CAMTA1: variants seen among roughly 807,000 people sequenced by gnomAD.
The protein encoded by CAMTA1 is calmodulin-binding transcription activator 1.
CAMTA1 carries 27 observed loss-of-function variants against 170.9 expected under a neutral mutation model. The ratio of observed to expected loss-of-function variants is 0.16; its 90% CI spans 0.12 to 0.22. The LOEUF (loss-of-function observed/expected upper bound fraction) is 0.22, where lower values mean the gene tolerates loss of function less well. Among genes scored for constraint, CAMTA1 ranks in the 10% least tolerant of loss-of-function variants. The pLI is 1.00. For synonymous variants in CAMTA1, 833 were observed against 891.5 expected (o/e 0.93, Z 1.17); for missense variants, 1,619 against 2,217.2 (o/e 0.73, Z 5.42).
At chr1:7,454,732 C>T (rs1162654210) in intron 5 of CAMTA1, among the ~76,000 whole-genome samples, 2 of 152,000 alleles carry the variant, frequency 1.3e-5, no homozygotes, top group Admixed American at 1.3e-4. Flanking sequence ...CAGTGCTGGG[C>T]GGGAGGCCTC....
intron 3 of CAMTA1, among the ~76,000 whole-genome samples, chr1:6,923,553 G>A (rs1682465143): frequency 6.6e-6 from 1 of 152,194 alleles, no homozygotes; most frequent in African/African-American, 2.4e-5. Context: ...CTTCCAGGGA[G>A]GCCTGGCTTA....
At position 7,698,074 on chromosome 1, in the gene CAMTA1, ACCCC is replaced by A. The variant is rs55893283; in HGVS notation, c.2914+20352_2914+20355del. Among the ~76,000 whole-genome samples the A allele has an allele frequency of 1.3e-4, 13 of 98,632 alleles. 1 individual carries two copies. Among genetic ancestry groups the A allele is most frequent in the East Asian group, 5.3e-4 (2 of 3,766 alleles). The allele number at this position is 98,632 out of a possible 152,430, so 64.7% of individuals were successfully genotyped here. On this transcript the variant is annotated intron_variant, in intron 11 of 22. Coordinates refer to ENST00000303635, the MANE Select transcript of CAMTA1 (RefSeq NM_015215.4). ...CAGGTCATGCTGGCCACGCACTGTG[ACCCC>A]CCCCCCCCCCACCAACATGGCCTTA...
chr1:7,754,704 G>C (rs1361396759), intron 21 of CAMTA1, among the ~76,000 whole-genome samples: 1 of 152,134 alleles, frequency 6.6e-6, no homozygotes, highest in Admixed American at 6.5e-5. Flanking sequence ...ATCAGATACG[G>C]GCTCTGGATT....
chr1:7,741,238 T>C (rs1194183739), intron 16 of CAMTA1, among the ~76,000 whole-genome samples: 1 of 152,036 alleles, frequency 6.6e-6, no homozygotes, highest in African/African-American at 2.4e-5. Context: ...GTGATATAGA[T>C]AGATGTGCGC....
intron 16 of CAMTA1, among the ~76,000 whole-genome samples, chr1:7,744,384 G>A (rs1035062353): frequency 3.3e-5 from 5 of 152,010 alleles, no homozygotes; most frequent in African/African-American, 9.7e-5. Flanking sequence ...CACCCACCTC[G>A]GCCTCCCAAA....
Position 7,642,809 on chromosome 1 carries a change from C to T in CAMTA1, c.664+2256C>T, listed in dbSNP as rs749177091. Among the ~76,000 whole-genome samples the T allele has an allele frequency of 5.3e-5, 8 of 152,166 alleles. No individual in the cohort carries two copies. The highest frequency in any genetic ancestry group is 1.0e-4 in the Non-Finnish European group (7 of 68,016). On this transcript the variant is annotated intron_variant, in intron 7 of 22. Coordinates refer to ENST00000303635, the MANE Select transcript of CAMTA1 (RefSeq NM_015215.4). The surrounding 1 kb of genome is among the most constrained non-coding windows in gnomAD (Gnocchi z 6.3). Reference sequence around the variant, plus strand: ...CTATAAAGGGGTAGCAAGAATCTAGCAGCCTCTGCCCTAAGACCAGCACTT... The same window carrying T: ...CTATAAAGGGGTAGCAAGAATCTAGTAGCCTCTGCCCTAAGACCAGCACTT...
intron 6 of CAMTA1, among the ~76,000 whole-genome samples, chr1:7,535,876 G>A (rs2094543594): frequency 1.3e-5 from 2 of 152,222 alleles, no homozygotes; most frequent in Non-Finnish European, 2.9e-5. Context: ...GTGTGAAAAT[G>A]TTTTAGCAAG....
At chr1:7,428,815 G>C (rs1294754630) in intron 5 of CAMTA1, among the ~76,000 whole-genome samples, 4 of 151,618 alleles carry the variant, frequency 2.6e-5, no homozygotes, top group Admixed American at 2.0e-4. Flanking sequence ...TATTGGTTTC[G>C]GAGCTGGTTG....
At chr1:7,354,150 C>CTTT (rs565138164) in intron 5 of CAMTA1, among the ~76,000 whole-genome samples, 13 of 140,458 alleles carry the variant, frequency 9.3e-5, no homozygotes, top group African/African-American at 3.2e-4. Context: ...TTCTTTTTCT[C>CTTT]TTTTTTTTTT....
chr1:7,437,633 C>T (rs2092389127), intron 5 of CAMTA1, among the ~76,000 whole-genome samples: 1 of 152,202 alleles, frequency 6.6e-6, no homozygotes, highest in African/African-American at 2.4e-5. Flanking sequence ...AGACAACATT[C>T]AATCCATAAC....
At chr1:7,327,165 C>T (rs1451919740) in intron 5 of CAMTA1, among the ~76,000 whole-genome samples, 1 of 151,854 alleles carries the variant, frequency 6.6e-6, no homozygotes, top group Non-Finnish European at 1.5e-5. Flanking sequence ...GCTTGTAATC[C>T]CAGCACTTTG....
chr1:7,686,807 T>C (rs1000598968), intron 11 of CAMTA1, among the ~76,000 whole-genome samples: 10 of 151,806 alleles, frequency 6.6e-5, no homozygotes, highest in African/African-American at 2.4e-4. Context: ...TTTGGGGTTG[T>C]TTGGAGGTGA....
At chr1:7,116,291 A>C (rs1249769900) in intron 4 of CAMTA1, among the ~76,000 whole-genome samples, 1 of 152,246 alleles carries the variant, frequency 6.6e-6, no homozygotes, top group Non-Finnish European at 1.5e-5. Context: ...TTGTAGGTAC[A>C]TAAGTTAAAA....
intron 3 of CAMTA1, among the ~76,000 whole-genome samples, chr1:6,949,351 G>T (rs763056021): frequency 6.6e-6 from 1 of 152,218 alleles, no homozygotes; most frequent in Non-Finnish European, 1.5e-5. Context: ...GGGAGATCCC[G>T]CTTTGAACGC....
rs927134133 is a variant in CAMTA1, at chr1:7,752,527, G to A, written c.4952G>A (p.Arg1651His). The A allele has an allele frequency of 5.0e-6, 8 of 1,604,496 alleles. No homozygotes were observed. Among genetic ancestry groups the A allele is most frequent in the South Asian group, 1.1e-5 (1 of 89,170 alleles). Residue 1651 changes from arginine (R) to histidine (H), a missense_variant, in exon 21 of 23, where the codon CGC becomes CAC. Around this residue, in one of 8 missense-constraint regions of CAMTA1, gnomAD observed 128 missense variants for 213.5 expected, o/e 0.60. Transcript: ENST00000303635. ...RKIMRFLRRC[R>H]HSPLVDHRLY... Reference sequence around the variant, plus strand: ...ATAATGAGGTTTCTTCGCCGCTGTCGCCACAGGTACACTAGTCCTTGTTTA... The same window carrying A: ...ATAATGAGGTTTCTTCGCCGCTGTCACCACAGGTACACTAGTCCTTGTTTA...
chr1:7,321,028 G>T (rs1385277077), intron 5 of CAMTA1, among the ~76,000 whole-genome samples: 8 of 152,214 alleles, frequency 5.3e-5, no homozygotes, highest in Admixed American at 5.2e-4. Context: ...ATAAATGGCA[G>T]TAAGCCCCTT....
chr1:6,889,366 CAAAT>C (rs1381888470), intron 3 of CAMTA1, among the ~76,000 whole-genome samples: 4 of 152,172 alleles, frequency 2.6e-5, no homozygotes, highest in South Asian at 2.1e-4. Context: ...AGTTTCATGG[CAAAT>C]AAATCATAAG....
intron 6 of CAMTA1, among the ~76,000 whole-genome samples, chr1:7,524,146 G>A (rs1241565236): frequency 2.0e-5 from 3 of 152,090 alleles, no homozygotes; most frequent in African/African-American, 7.2e-5. Flanking sequence ...AGATTGCAGT[G>A]AGCCGAGATC....
intron 3 of CAMTA1, among the ~76,000 whole-genome samples, chr1:6,946,985 G>C (rs1223364063): frequency 1.3e-5 from 2 of 151,890 alleles, no homozygotes; most frequent in Non-Finnish European, 2.9e-5. Flanking sequence ...GTTAATTTTT[G>C]TATACAGTGT....
Sources: allele counts gnomAD v4.1 joint callset (sites outside exome capture counted in the v4.1 genomes callset), GRCh38; gene constraint gnomAD v4.1.1; regional missense constraint gnomAD v4.1.1; non-coding constraint Gnocchi (gnomAD v3.1); transcripts MANE v1.5; gene names NCBI Gene and HGNC (gene_info 2026-07-23, HGNC 2026-07-21).